Variants in C4orf17 observed in about 807,000 individuals in gnomAD.
C4orf17 encodes uncharacterized protein C4orf17.
Under a neutral mutation model 32.0 loss-of-function variants are expected in C4orf17, and 25 were observed. That is an observed-to-expected ratio of 0.78 (90% confidence interval 0.57 to 1.09). C4orf17 has a LOEUF of 1.09. C4orf17 is among the 50% of genes least tolerant of loss of function. The probability of loss-of-function intolerance (pLI) is 0.00; values close to 1 mark genes in which losing one functional copy is unlikely to be tolerated. For synonymous variants in C4orf17, 149 were observed against 145.8 expected (o/e 1.02, Z -0.16); for missense variants, 420 against 420.0 (o/e 1.00, Z 0.00).
chr4:99,539,124 A>T (rs1003652238), intron 6 of C4orf17, 39 bp from the exon 7 acceptor site: 1 of 1,570,050 alleles, frequency 6.4e-7, no homozygotes, highest in Non-Finnish European at 8.8e-7. Flanking sequence ...GATAATTGCA[A>T]CCTTCACTCC....
chr4:99,525,745 C>T (rs1309882911), intron 4 of C4orf17, among the ~76,000 whole-genome samples: 4 of 150,660 alleles, frequency 2.7e-5, no homozygotes, highest in African/African-American at 4.9e-5. Context: ...TGCAGTGAGC[C>T]GAGATGGTGC....
intron 2 of C4orf17, among the ~76,000 whole-genome samples, chr4:99,517,724 G>A (rs186672139): frequency 1.4e-4 from 21 of 152,178 alleles, no homozygotes; most frequent in African/African-American, 4.8e-4. Context: ...TTTTTAATCT[G>A]TACTGGGATG....
intron 2 of C4orf17, among the ~76,000 whole-genome samples, chr4:99,514,390 A>C (rs997682948): frequency 1.3e-5 from 2 of 151,870 alleles, no homozygotes; most frequent in African/African-American, 2.4e-5. Context: ...TCTATAAGGA[A>C]CTCAAACAAA....
chr4:99,535,923 A>G (rs1723552888), intron 5 of C4orf17: 2 of 448,150 alleles, frequency 4.5e-6, no homozygotes, highest in Non-Finnish European at 4.5e-6. Context: ...TTTTTGTGGC[A>G]TCTTTGTTGT....
chr4:99,537,807 G>A, intron 6 of C4orf17, 57 bp downstream of exon 6: 1 of 1,208,786 alleles, frequency 8.3e-7, no homozygotes. Flanking sequence ...CAGAAACTGG[G>A]AATATGCCAA....
chr4:99,539,684 T>G (rs1723620499), intron 7 of C4orf17, among the ~76,000 whole-genome samples: 1 of 152,182 alleles, frequency 6.6e-6, no homozygotes, highest in Non-Finnish European at 1.5e-5. Flanking sequence ...ATAAAGATTT[T>G]TATAGTTTAA....
chr4:99,513,327 G>A (rs1245324187), intron 2 of C4orf17, 119 bp downstream of exon 2: 8 of 1,294,718 alleles, frequency 6.2e-6, no homozygotes, highest in Admixed American at 1.8e-5. Context: ...AGAGGTATGG[G>A]AATTGACTAT....
At chr4:99,536,077 G>T (rs994242907) in intron 5 of C4orf17, 1 of 397,692 alleles carries the variant, frequency 2.5e-6, no homozygotes, top group African/African-American at 2.1e-5. Context: ...GACAGCAAAG[G>T]TGTCTGCCTG....
Position 99,532,023 on chromosome 4 carries a change from T to C in C4orf17, c.546+2065T>C, listed in dbSNP as rs908480935. ...TAATTCCGTGTCTATTAGCACCTTG[T>C]TTTAAGCCTTCCTTCCAAAGATCTT... On this transcript the variant is annotated intron_variant, in intron 5 of 8. Coordinates refer to ENST00000326581, the MANE Select transcript of C4orf17 (RefSeq NM_032149.3). Among the ~76,000 whole-genome samples the C allele has an allele frequency of 1.8e-4, 27 of 152,130 alleles. 1 individual carries two copies. Among genetic ancestry groups the C allele is most frequent in the Non-Finnish European group, 7.4e-5 (5 of 67,996 alleles).
rs1223331669 is a variant in C4orf17 at position 99,513,109 on chromosome 4, C to T, written c.28C>T (p.Leu10Phe). The change falls in exon 2 of 9, where the codon CTT (leucine) becomes TTT (phenylalanine). Residue 10 changes from leucine (L) to phenylalanine (F), a missense_variant. Transcript: ENST00000326581. MNLNPPTSA[L>F]QIEGKGSHIM... is the part of the protein sequence containing the mutation. Reference sequence around the variant, plus strand: ...GAACCTCAACCCCCCGACATCTGCTCTTCAGATCGAGGGCAAAGGCAGCCA... The same window carrying T: ...GAACCTCAACCCCCCGACATCTGCTTTTCAGATCGAGGGCAAAGGCAGCCA... 1 of 1,613,886 alleles carries T rather than the reference C, an allele frequency of 6.2e-7. No individual in the cohort carries two copies. The highest frequency in any genetic ancestry group is 8.5e-7 in the Non-Finnish European group (1 of 1,179,846).
At chr4:99,518,499 AAAAAAAAAAAAAAAAAAAAATATATAT>A (rs1301940589) in intron 2 of C4orf17, among the ~76,000 whole-genome samples, 1 of 53,420 alleles carries the variant, frequency 1.9e-5, no homozygotes, top group African/African-American at 1.4e-4. Flanking sequence ...AAAAAAAAAA[AAAAAAAAAAAAAAAAAAAAATATATAT>A]ATATATATAT....
intron 4 of C4orf17, among the ~76,000 whole-genome samples, chr4:99,525,027 T>C (rs1241393419): frequency 6.6e-6 from 1 of 152,226 alleles, no homozygotes; most frequent in Non-Finnish European, 1.5e-5. Context: ...TCATTCCTTT[T>C]TATTGCTGAG....
intron 3 of C4orf17, among the ~76,000 whole-genome samples, chr4:99,523,113 A>G (rs374931196): frequency 6.6e-6 from 1 of 152,200 alleles, no homozygotes; most frequent in African/African-American, 2.4e-5. Context: ...CCTTAAGGTC[A>G]GGCCCTGTGT....
intron 2 of C4orf17, among the ~76,000 whole-genome samples, chr4:99,517,270 G>A (rs1443068601): frequency 1.3e-5 from 2 of 152,144 alleles, no homozygotes; most frequent in Non-Finnish European, 2.9e-5. Flanking sequence ...CAGGGAAGTG[G>A]CATGCACAGA....
At position 99,539,168 on chromosome 4, in the gene C4orf17, G is replaced by C. The variant is rs200900171; in HGVS notation, c.634G>C (p.Glu212Gln). 1.2e-6 allele frequency: 2 copies of C among 1,613,700 alleles called. No homozygotes were observed. Among genetic ancestry groups the C allele is most frequent in the Non-Finnish European group, 1.7e-6 (2 of 1,179,702 alleles). ...TTTTTTGTCTTTTAAACCAGAAAAA[G>C]AGTGGGTCTCAGCTTTGATTCATTC... The part of the protein sequence containing the change: ...WLLHATSKEK[E>Q]WVSALIHSEL... Residue 212 changes from glutamate (E) to glutamine (Q), a missense_variant, in exon 7 of 9, where the codon GAG (glutamate) becomes CAG (glutamine). Transcript: ENST00000326581.
intron 5 of C4orf17, among the ~76,000 whole-genome samples, chr4:99,536,560 C>T (rs1487690719): frequency 1.1e-4 from 16 of 152,194 alleles, no homozygotes; most frequent in Admixed American, 9.8e-4. Context: ...AGATGGCCTG[C>T]ACTCCCTGGA....
intron 7 of C4orf17, 25 bp downstream of exon 7, chr4:99,539,395 G>A: frequency 1.9e-6 from 3 of 1,552,210 alleles, no homozygotes; most frequent in Non-Finnish European, 2.7e-6. Flanking sequence ...TGGCCCCCTA[G>A]AGGGAGGGCC....
At chr4:99,539,534 TA>T (rs1246883253) in intron 7 of C4orf17, among the ~76,000 whole-genome samples, 164 bp downstream of exon 7, 1 of 152,240 alleles carries the variant, frequency 6.6e-6, no homozygotes, top group Non-Finnish European at 1.5e-5. Context: ...ATATATGTAA[TA>T]TAAGAATTGT....
rs115077077 is a variant in C4orf17 at position 99,516,479 on chromosome 4, G to A, written c.127+3271G>A. Among the ~76,000 whole-genome samples the A allele has an allele frequency of 8.1e-3, 1,234 of 152,304 alleles. 18 individuals carry two copies. Among genetic ancestry groups the A allele is most frequent in the African/African-American group, 0.028 (1,165 of 41,556 alleles). On this transcript the variant is annotated intron_variant, in intron 2 of 8. Coordinates refer to ENST00000326581, the MANE Select transcript of C4orf17 (RefSeq NM_032149.3). ...TCTTTATTCATTCAGCCATCTATAC[G>A]TTTATTCATTCATTCAACATTTATT...
Sources: gnomAD v4.1 joint callset for allele counts (sites outside exome capture counted in the v4.1 genomes callset) on GRCh38, gnomAD v4.1.1 for gene constraint, MANE v1.5 for transcripts, NCBI Gene and HGNC (gene_info 2026-07-23, HGNC 2026-07-21) for gene names.